The following DST variants were observed in gnomAD, a reference collection of about 807,000 sequenced individuals.
The protein encoded by DST is bullous pemphigoid antigen.
Under a neutral mutation model 875.2 loss-of-function variants are expected in DST, and 253 were observed. The observed-to-expected ratio is 0.29, with a 90% CI of 0.26 to 0.32. The LOEUF (loss-of-function observed/expected upper bound fraction) is 0.32. Ranked by LOEUF, DST falls within the 10% of genes least tolerant of loss-of-function variation. The probability of loss-of-function intolerance (pLI) is 1.00; values close to 1 mark genes in which losing one functional copy is unlikely to be tolerated. For missense variants in DST, 8,287 were observed against 9,111.6 expected, an observed-to-expected ratio of 0.91 and a Z score of 3.68; for synonymous variants, 3,124 against 3,197.1, an observed-to-expected ratio of 0.98 and a Z score of 0.77.
At chr6:56,527,352 G>C (rs2096821724) in intron 68 of DST, 141 bp downstream of exon 68, 1 of 1,043,692 alleles carries the variant, frequency 9.6e-7, no homozygotes, top group African/African-American at 1.6e-5. Context: ...TTGATCTGCT[G>C]CCAATTTCTA....
chr6:56,477,702 C>G (rs1230085282), intron 90 of DST, among the ~76,000 whole-genome samples: 1 of 152,112 alleles, frequency 6.6e-6, no homozygotes, highest in African/African-American at 2.4e-5. Flanking sequence ...GTACAGTCAT[C>G]CCTTGGAATC....
chr6:56,745,339 T>C (rs953813723), intron 4 of DST, among the ~76,000 whole-genome samples: 4 of 152,330 alleles, frequency 2.6e-5, no homozygotes, highest in African/African-American at 9.6e-5. Context: ...TGTTGCTGCA[T>C]GTACAAAGAA....
At position 56,636,436 on chromosome 6, in the gene DST, A is replaced by G. The variant is rs144804328; in HGVS notation, c.3060+121T>C. The G allele has an allele frequency of 7.8e-4, 561 of 723,370 alleles. 2 individuals are homozygous for G. The highest frequency in any genetic ancestry group is 5.9e-3 in the East Asian group (200 of 33,996). 44.8% of individuals were successfully genotyped at this position (723,370 alleles called of 1,614,324 possible). A position where few individuals can be genotyped will look rare whatever the true frequency, so the allele number is the denominator to read the frequency against. On this transcript the variant is annotated intron_variant, in intron 23 of 103. Transcript: ENST00000680361. Reference sequence around the variant, plus strand: ...TACACACATATATGTGTATATATATATGTGTGTATATATATACACAGAAAC... The same window carrying G: ...TACACACATATATGTGTATATATATGTGTGTGTATATATATACACAGAAAC...
intron 73 of DST, 77 bp downstream of exon 73, chr6:56,511,120 C>T (rs1178579129): frequency 8.0e-7 from 1 of 1,253,470 alleles, no homozygotes; most frequent in Non-Finnish European, 1.1e-6. Context: ...AAAATTTAAT[C>T]AGGAAATCCA....
chr6:56,832,168 A>G (rs1013772297), intron 4 of DST, among the ~76,000 whole-genome samples: 3 of 152,148 alleles, frequency 2.0e-5, no homozygotes, highest in African/African-American at 7.2e-5. Flanking sequence ...CACATTATCT[A>G]TAGTAGTTAA....
chr6:56,843,196 AC>A (rs1562134171), intron 4 of DST: 1 of 1,472,182 alleles, frequency 6.8e-7, no homozygotes. Flanking sequence ...CCCCCTCGTA[AC>A]CCCCGGACAG....
intron 10 of DST, among the ~76,000 whole-genome samples, chr6:56,653,505 C>T (rs188470605): frequency 6.6e-6 from 1 of 151,972 alleles, no homozygotes; most frequent in East Asian, 1.9e-4. Flanking sequence ...ACCAACATGG[C>T]GAAACCCTGT....
rs200436819 is a variant in DST at position 56,633,059 on chromosome 6, T to G, written c.3622-22A>C. 1.9e-6 allele frequency: 3 copies of G among 1,606,270 alleles called. No individual in the cohort carries two copies. In the African/African-American group the frequency reaches 4.0e-5, roughly 21 times the overall value. ...TTATCTAAAGAAGACCAAAGACCCA[T>G]GTAATTCATTCTATTACTCATAGAT... On this transcript the variant is annotated intron_variant, in intron 27 of 103. Transcript: ENST00000680361.
At chr6:56,643,832 G>A (rs2098926983) in intron 15 of DST, among the ~76,000 whole-genome samples, 1 of 152,204 alleles carries the variant, frequency 6.6e-6, no homozygotes, top group African/African-American at 2.4e-5. Flanking sequence ...CAAATATAGT[G>A]AGTGAACAGA....
chr6:56,518,678 C>T (rs533021490), intron 69 of DST, among the ~76,000 whole-genome samples: 20 of 152,286 alleles, frequency 1.3e-4, no homozygotes, highest in South Asian at 4.1e-4. Context: ...TGTCTTCCAT[C>T]GGATAAACCC....
At chr6:56,843,351 C>T in intron 4 of DST, 1 of 1,194,238 alleles carries the variant, frequency 8.4e-7, no homozygotes, top group Non-Finnish European at 1.0e-6. Context: ...GCCCAGGCCT[C>T]CGGGCAGGCC....
intron 69 of DST, among the ~76,000 whole-genome samples, chr6:56,524,613 T>TGTA (rs1465587409): frequency 6.6e-6 from 1 of 152,118 alleles, no homozygotes; most frequent in Admixed American, 6.6e-5. Context: ...TGTGTGTCTA[T>TGTA]GTAGCCTTAT....
chr6:56,826,234 CT>C (rs1448494257), intron 4 of DST, among the ~76,000 whole-genome samples: 1 of 152,132 alleles, frequency 6.6e-6, no homozygotes, highest in Non-Finnish European at 1.5e-5. Context: ...AACAATAAGT[CT>C]ATAAATTGTT....
At chr6:56,761,254 C>A (rs2099616523) in intron 4 of DST, among the ~76,000 whole-genome samples, 2 of 152,196 alleles carry the variant, frequency 1.3e-5, no homozygotes. Context: ...TGAACTTTAA[C>A]CTTACTCTCA....
At position 56,837,018 on chromosome 6, in the gene DST, T is replaced by C. The variant is rs111628937; in HGVS notation, c.625+14379A>G. ...AATTATTTTATTTGCTTATGGAAAA[T>C]AGATCCACTGCTCTAAGATGCTACT... On this transcript the variant is annotated intron_variant, in intron 4 of 103. Transcript: ENST00000680361. 5.3e-3 allele frequency among the ~76,000 whole-genome samples: 800 copies of C among 152,232 alleles called. 6 individuals carry two copies. Among genetic ancestry groups the C allele is most frequent in the Middle Eastern group, 0.017 (5 of 294 alleles).
chr6:56,532,785 C>T (rs1010450249), intron 63 of DST, among the ~76,000 whole-genome samples: 3 of 151,974 alleles, frequency 2.0e-5, no homozygotes, highest in Non-Finnish European at 2.9e-5. Context: ...TAGAATAATA[C>T]GGTAGAAGGT....
intron 54 of DST, 146 bp downstream of exon 54, chr6:56,569,710 C>T (rs1057374587): frequency 2.4e-5 from 13 of 550,646 alleles, no homozygotes; most frequent in Non-Finnish European, 3.2e-5. Flanking sequence ...AGCCCCATGC[C>T]ATGATTTCCA....
chr6:56,829,792 G>T (rs1591338592), intron 4 of DST, among the ~76,000 whole-genome samples: 1 of 151,938 alleles, frequency 6.6e-6, no homozygotes. Context: ...AAACACTCAA[G>T]AAATAAATAA....
At chr6:56,942,919 C>T (rs1395353172) in intron 2 of DST, among the ~76,000 whole-genome samples, 2 of 151,984 alleles carry the variant, frequency 1.3e-5, no homozygotes, top group African/African-American at 4.8e-5. Flanking sequence ...CAAGGTTTTG[C>T]TATATTGCCC....
Sources: gnomAD v4.1 joint callset for allele counts (sites outside exome capture counted in the v4.1 genomes callset) on GRCh38, gnomAD v4.1.1 for gene constraint, MANE v1.5 for transcripts, NCBI Gene and HGNC (gene_info 2026-07-23, HGNC 2026-07-21) for gene names.